FHIT: variants seen among roughly 807,000 people sequenced by gnomAD.
FHIT encodes the protein fragile histidine triad diadenosine triphosphatase, also known as bis(5'-adenosyl)-triphosphatase.
FHIT carries 19 observed loss-of-function variants against 17.9 expected under a neutral mutation model. The observed-to-expected ratio is 1.06, with a 90% CI of 0.74 to 1.56. FHIT has a LOEUF of 1.56. Ranked by LOEUF, FHIT falls within the 40% of genes most tolerant of loss-of-function variation. The pLI is 0.00. For synonymous variants in FHIT, 81 were observed against 69.7 expected (o/e 1.16, Z -0.81); for missense variants, 248 against 189.2 (o/e 1.31, Z -1.82).
At chr3:60,373,573 G>T (rs1411756984) in intron 5 of FHIT, among the ~76,000 whole-genome samples, 1 of 152,066 alleles carries the variant, frequency 6.6e-6, no homozygotes, top group African/African-American at 2.4e-5. Context: ...AAATGGACAT[G>T]ATCAGGTTGA....
At chr3:61,201,032 G>C (rs1417805284) in intron 1 of FHIT, among the ~76,000 whole-genome samples, 4 of 152,110 alleles carry the variant, frequency 2.6e-5, no homozygotes, top group Non-Finnish European at 4.4e-5. Flanking sequence ...ATTTCTTTTT[G>C]TCATCTTTCT....
chr3:60,218,201 G>C (rs1359116662), intron 5 of FHIT, among the ~76,000 whole-genome samples: 2 of 152,068 alleles, frequency 1.3e-5, no homozygotes, highest in East Asian at 3.8e-4. Flanking sequence ...AAAAGTTTAA[G>C]AACCACTGAA....
intron 4 of FHIT, among the ~76,000 whole-genome samples, chr3:60,696,105 T>C (rs1553700580): frequency 6.6e-6 from 1 of 151,876 alleles, no homozygotes; most frequent in Non-Finnish European, 1.5e-5. Context: ...AATGCTGCTT[T>C]AAAAGAAGAA....
chr3:60,135,301 G>C (rs1211500917), intron 5 of FHIT, among the ~76,000 whole-genome samples: 1 of 152,054 alleles, frequency 6.6e-6, no homozygotes, highest in African/African-American at 2.4e-5. Context: ...CAGGCAAATA[G>C]CATAAATATA....
intron 4 of FHIT, among the ~76,000 whole-genome samples, chr3:60,573,615 C>CAAA (rs1271166476): frequency 6.6e-6 from 1 of 151,988 alleles, no homozygotes; most frequent in African/African-American, 2.4e-5. Flanking sequence ...CAGGAGAAGA[C>CAAA]AAAAAAGGCA....
chr3:61,093,777 A>G (rs2035555095), intron 2 of FHIT, among the ~76,000 whole-genome samples: 1 of 152,230 alleles, frequency 6.6e-6, no homozygotes, highest in Admixed American at 6.5e-5. Context: ...CCAAATCATT[A>G]CAGATGCCCA....
intron 3 of FHIT, among the ~76,000 whole-genome samples, chr3:60,973,849 C>T (rs1415372579): frequency 6.6e-6 from 1 of 152,084 alleles, no homozygotes; most frequent in Non-Finnish European, 1.5e-5. Flanking sequence ...CAATACTCAG[C>T]ACAATTTTAT....
chr3:60,590,656 C>T (rs1424399556), intron 4 of FHIT, among the ~76,000 whole-genome samples: 4 of 152,074 alleles, frequency 2.6e-5, no homozygotes, highest in African/African-American at 9.7e-5. Context: ...TGTGTGCATG[C>T]CTAAAAAATC....
Position 59,864,724 on chromosome 3 carries a change from G to A in FHIT, c.348+57622C>T, listed in dbSNP as rs562436601. On this transcript the variant is annotated intron_variant, in intron 8 of 9. Coordinates refer to ENST00000492590, the MANE Select transcript of FHIT (RefSeq NM_002012.4). ...GCATTACCCTCTCTCTGCACACAACGTGGGCCTCTAAGAAGCAATGCTTTT... is the reference window on the plus strand; with the variant it reads ...GCATTACCCTCTCTCTGCACACAACATGGGCCTCTAAGAAGCAATGCTTTT... Among the ~76,000 whole-genome samples the A allele has an allele frequency of 5.9e-5, 9 of 151,386 alleles. No homozygotes were observed. The South Asian group carries it at 1.7e-3, about 28-fold the overall frequency.
rs141440612 is a variant in FHIT at position 60,889,152 on chromosome 3, G to A, written c.-110-67141C>T. Among the ~76,000 whole-genome samples, 8 of 151,964 alleles carry A rather than the reference G, an allele frequency of 5.3e-5. No individual in the cohort carries two copies. The East Asian group carries it at 1.2e-3, about 22-fold the overall frequency. On this transcript the variant is annotated intron_variant, in intron 3 of 9. Coordinates refer to ENST00000492590, the MANE Select transcript of FHIT (RefSeq NM_002012.4). The stretch of plus-strand genomic sequence containing the variant: ...TGCTCTGCCCTGACTCATTCTCCAC[G>A]CTGCATAACCATTTTTTTTCCCTCC...
At chr3:61,032,856 G>A (rs2033073148) in intron 3 of FHIT, among the ~76,000 whole-genome samples, 1 of 152,190 alleles carries the variant, frequency 6.6e-6, no homozygotes, top group African/African-American at 2.4e-5. Context: ...TCTGCAAGCT[G>A]GAGGCCCAGG....
intron 5 of FHIT, among the ~76,000 whole-genome samples, chr3:60,378,001 A>C (rs1700644719): frequency 6.6e-6 from 1 of 152,094 alleles, no homozygotes; most frequent in African/African-American, 2.4e-5. Flanking sequence ...CACATGAAGC[A>C]ATGTGAGAGA....
intron 8 of FHIT, among the ~76,000 whole-genome samples, chr3:59,829,900 A>T (rs1223151085): frequency 6.6e-6 from 1 of 152,108 alleles, no homozygotes; most frequent in Non-Finnish European, 1.5e-5. Context: ...CAGCCTGGGC[A>T]ACATAGGGAG....
At chr3:60,574,873 C>T (rs947329922) in intron 4 of FHIT, among the ~76,000 whole-genome samples, 4 of 151,480 alleles carry the variant, frequency 2.6e-5, no homozygotes, top group African/African-American at 9.7e-5. Context: ...TAGTTGTTGC[C>T]CCCCACCCCC....
chr3:60,093,492 T>A (rs1009810290), intron 5 of FHIT, among the ~76,000 whole-genome samples: 2 of 152,110 alleles, frequency 1.3e-5, no homozygotes, highest in Non-Finnish European at 2.9e-5. Context: ...GCAACCTTAA[T>A]TCCCCACTGC....
At chr3:61,034,726 T>G (rs1406759539) in intron 3 of FHIT, among the ~76,000 whole-genome samples, 2 of 152,160 alleles carry the variant, frequency 1.3e-5, no homozygotes, top group African/African-American at 4.8e-5. Context: ...AGTTTTGTAG[T>G]TTCTCAAAAA....
intron 4 of FHIT, among the ~76,000 whole-genome samples, chr3:60,781,191 T>A (rs1445737374): frequency 1.3e-5 from 2 of 152,110 alleles, no homozygotes; most frequent in Non-Finnish European, 2.9e-5. Flanking sequence ...TTTAATACTT[T>A]AAAAAATAGT....
chr3:60,947,233 T>C (rs367679735), intron 3 of FHIT, among the ~76,000 whole-genome samples: 3 of 152,084 alleles, frequency 2.0e-5, no homozygotes, highest in South Asian at 4.1e-4. Context: ...TTCAGCCTCC[T>C]CTCAGACTAA....
intron 3 of FHIT, among the ~76,000 whole-genome samples, chr3:60,905,047 C>T (rs1337097823): frequency 6.6e-6 from 1 of 151,666 alleles, no homozygotes; most frequent in Non-Finnish European, 1.5e-5. Flanking sequence ...TGAAAATATG[C>T]TTAATTTTAC....
Sources: allele counts gnomAD v4.1 joint callset (sites outside exome capture counted in the v4.1 genomes callset), GRCh38; gene constraint gnomAD v4.1.1; transcripts MANE v1.5; gene names NCBI Gene and HGNC (gene_info 2026-07-23, HGNC 2026-07-21).